ADARB2: variants seen among roughly 807,000 people sequenced by gnomAD.
The protein encoded by ADARB2 is inactive double-stranded RNA-specific editase B2.
A neutral mutation model predicts 62.2 loss-of-function variants in ADARB2; 25 were observed. The observed-to-expected ratio is 0.40, with a 90% confidence interval of 0.29 to 0.56. The LOEUF (loss-of-function observed/expected upper bound fraction) is 0.56. Among genes scored for constraint, ADARB2 ranks in the 20% least tolerant of loss-of-function variants. The probability of loss-of-function intolerance (pLI) is 0.43; values close to 1 mark genes in which losing one functional copy is unlikely to be tolerated. For synonymous variants in ADARB2, 572 were observed against 500.8 expected (o/e 1.14, Z -1.90); for missense variants, 1,071 against 1,077.4 (o/e 0.99, Z 0.08).
intron 1 of ADARB2, among the ~76,000 whole-genome samples, chr10:1,623,140 C>A (rs1384914789): frequency 6.6e-6 from 1 of 152,130 alleles, no homozygotes; most frequent in Non-Finnish European, 1.5e-5. Flanking sequence ...AGAGATGGGG[C>A]ATCCATTAGT....
intron 1 of ADARB2, among the ~76,000 whole-genome samples, chr10:1,505,025 A>G (rs745430746): frequency 2.0e-5 from 3 of 151,944 alleles, no homozygotes; most frequent in African/African-American, 7.3e-5. Flanking sequence ...AAACACACAG[A>G]CACAGCCACA....
At chr10:1,517,900 G>A (rs1323273267) in intron 1 of ADARB2, among the ~76,000 whole-genome samples, 2 of 152,114 alleles carry the variant, frequency 1.3e-5, no homozygotes, top group African/African-American at 2.4e-5. Context: ...GCCTTTCCCC[G>A]CAGCTCAGCC....
In ADARB2 at chr10:1,182,500, G is replaced by A. The variant is rs911293605; in HGVS notation, c.*693C>T. The A allele has an allele frequency of 6.6e-6, 1 of 152,434 alleles. No homozygotes were observed. 9.4% of individuals were successfully genotyped at this position (152,434 alleles called of 1,614,324 possible). ...TCCAGGCTCCCCACATCTGCAGCAC[G>A]CGTGGGCCGGGTGTTTCCAGGCTCC... On this transcript the variant is annotated 3_prime_UTR_variant, in exon 10 of 10. Coordinates refer to ENST00000381312, the MANE Select transcript of ADARB2 (RefSeq NM_018702.4).
At chr10:1,636,863 T>C (rs1833923137) in intron 1 of ADARB2, among the ~76,000 whole-genome samples, 1 of 148,482 alleles carries the variant, frequency 6.7e-6, no homozygotes, top group South Asian at 2.1e-4. Flanking sequence ...AAACATATAA[T>C]ATTGATATGT....
At position 1,199,973 on chromosome 10, in the gene ADARB2, G is replaced by T; in HGVS notation, c.1857C>A (p.Leu619=). The stretch of plus-strand genomic sequence containing the variant: ...CGGGAAGGGGGTTCTTACCGCTGAG[G>T]AGAGGCCGGTTGTGCCGGTAGGAGG... ...LPASYRHNRP[L]LSGVSDAEAR... is the part of the protein sequence containing the mutation. Residue 619 remains leucine (L), a synonymous_variant, in exon 8 of 10, where the codon CTC becomes CTA. Coordinates refer to ENST00000381312, the MANE Select transcript of ADARB2 (RefSeq NM_018702.4). 2 of 1,554,724 alleles carry T rather than the reference G, an allele frequency of 1.3e-6. No homozygotes were observed. Among genetic ancestry groups the T allele is most frequent in the Non-Finnish European group, 1.7e-6 (2 of 1,152,996 alleles).
At chr10:1,315,384 G>A (rs921792227) in intron 3 of ADARB2, among the ~76,000 whole-genome samples, 3 of 152,232 alleles carry the variant, frequency 2.0e-5, no homozygotes, top group South Asian at 4.1e-4. Context: ...AGCGCAAAGC[G>A]TCCTGAGCGT....
intron 6 of ADARB2, among the ~76,000 whole-genome samples, chr10:1,222,167 GTGA>G (rs1269434237): frequency 6.6e-6 from 1 of 152,246 alleles, no homozygotes; most frequent in African/African-American, 2.4e-5. Flanking sequence ...CTGATGGCCA[GTGA>G]TGATGAGCAT....
intron 1 of ADARB2, among the ~76,000 whole-genome samples, chr10:1,454,758 C>T (rs1028062942): frequency 2.6e-5 from 4 of 151,966 alleles, no homozygotes; most frequent in Non-Finnish European, 5.9e-5. Context: ...TGATTGCTCA[C>T]GACTGTGTGA....
intron 1 of ADARB2, among the ~76,000 whole-genome samples, chr10:1,635,410 C>T (rs1235625719): frequency 3.9e-5 from 6 of 152,182 alleles, no homozygotes; most frequent in African/African-American, 1.2e-4. Context: ...TCATCTAAGA[C>T]GGTATGAGCC....
In ADARB2 at chr10:1,363,157, C is replaced by G; in HGVS notation, c.948G>C (p.Thr316=). ...TCTTGCTGCGCCCCGAGCCCTCGAACGTCCTGCCGTCCACGCTCACGGCCA... is the reference window on the plus strand; with the variant it reads ...TCTTGCTGCGCCCCGAGCCCTCGAAGGTCCTGCCGTCCACGCTCACGGCCA... ...FVMAVSVDGR[T]FEGSGRSKKL... is the part of the protein sequence containing the mutation. Residue 316 remains threonine (T), a synonymous_variant, in exon 3 of 10, where the codon ACG becomes ACC. Transcript: ENST00000381312. 6.5e-7 allele frequency: 1 copy of G among 1,542,456 alleles called. No homozygotes were observed. Among genetic ancestry groups the G allele is most frequent in the Non-Finnish European group, 8.7e-7 (1 of 1,153,318 alleles).
intron 1 of ADARB2, among the ~76,000 whole-genome samples, chr10:1,661,071 C>A (rs926422392): frequency 6.6e-6 from 1 of 152,152 alleles, no homozygotes; most frequent in Non-Finnish European, 1.5e-5. Context: ...TCCGAGCCTG[C>A]GATAAGCTCC....
At chr10:1,605,841 G>A (rs746769644) in intron 1 of ADARB2, among the ~76,000 whole-genome samples, 1 of 152,178 alleles carries the variant, frequency 6.6e-6, no homozygotes, top group Non-Finnish European at 1.5e-5. Context: ...ACGTTAAGAG[G>A]ACTAGCAGCC....
chr10:1,709,341 G>A lies in ADARB2; in HGVS notation c.100+27710C>T, dbSNP rs973857677. ...TGTTGTTTAGTCTTGTAAAACTGTA[G>A]TTATGTCTTCTCTACGTCCTGCCAA... On this transcript the variant is annotated intron_variant, in intron 1 of 9. Transcript: ENST00000381312. Among the ~76,000 whole-genome samples, 12 of 152,194 alleles carry A rather than the reference G, an allele frequency of 7.9e-5. 1 individual carries two copies. Among genetic ancestry groups the A allele is most frequent in the African/African-American group, 2.7e-4 (11 of 41,454 alleles).
At chr10:1,354,164 C>T (rs1832171963) in intron 3 of ADARB2, among the ~76,000 whole-genome samples, 1 of 152,096 alleles carries the variant, frequency 6.6e-6, no homozygotes. Flanking sequence ...TTTTCGCCGC[C>T]CCAATACTTT....
At chr10:1,191,086 G>A (rs559117419) in intron 8 of ADARB2, among the ~76,000 whole-genome samples, 2 of 152,210 alleles carry the variant, frequency 1.3e-5, no homozygotes, top group East Asian at 1.9e-4. Flanking sequence ...GGGTTTGCAC[G>A]CTCTGGGCCC....
intron 1 of ADARB2, among the ~76,000 whole-genome samples, chr10:1,623,080 C>G (rs571158024): frequency 6.6e-6 from 1 of 152,090 alleles, no homozygotes; most frequent in Non-Finnish European, 1.5e-5. Context: ...GAAGACGTGA[C>G]GTATGGCATG....
At chr10:1,461,427 T>C (rs534223140) in intron 1 of ADARB2, among the ~76,000 whole-genome samples, 25 of 152,314 alleles carry the variant, frequency 1.6e-4, no homozygotes, top group Middle Eastern at 3.4e-3. Context: ...AATCCTTTTA[T>C]CATTGACTTG....
intron 1 of ADARB2, among the ~76,000 whole-genome samples, chr10:1,471,144 T>A (rs1831316864): frequency 6.6e-6 from 1 of 152,206 alleles, no homozygotes; most frequent in African/African-American, 2.4e-5. Flanking sequence ...GGGTGGTTTT[T>A]TCAACCTCAA....
At chr10:1,519,066 C>A (rs1325145707) in intron 1 of ADARB2, among the ~76,000 whole-genome samples, 1 of 139,374 alleles carries the variant, frequency 7.2e-6, no homozygotes, top group Non-Finnish European at 1.5e-5. Flanking sequence ...TGTGGTATTG[C>A]CATATGCATG....
Sources: allele counts gnomAD v4.1 joint callset (sites outside exome capture counted in the v4.1 genomes callset), GRCh38; gene constraint gnomAD v4.1.1; transcripts MANE v1.5; gene names NCBI Gene and HGNC (gene_info 2026-07-23, HGNC 2026-07-21).